PCCB: variants seen among roughly 807,000 people sequenced by gnomAD.
The protein encoded by PCCB is propionyl-CoA carboxylase subunit beta, also known as propionyl-CoA carboxylase beta chain, mitochondrial.
A neutral mutation model predicts 60.7 loss-of-function variants in PCCB; 43 were observed. That is an observed-to-expected ratio of 0.71 (90% CI 0.55 to 0.91). The LOEUF (loss-of-function observed/expected upper bound fraction) is 0.91. PCCB is among the 40% of genes least tolerant of loss of function. The pLI, the probability that PCCB is intolerant of heterozygous loss-of-function variation, is 0.00. For synonymous variants in PCCB, 276 were observed against 255.9 expected (o/e 1.08, Z -0.75); for missense variants, 766 against 702.8 (o/e 1.09, Z -1.02).
chr3:136,296,803 A>T (rs984856192), intron 7 of PCCB, among the ~76,000 whole-genome samples: 2 of 152,264 alleles, frequency 1.3e-5, no homozygotes, highest in African/African-American at 2.4e-5. Context: ...GGAATTAAAA[A>T]TTTAAAATAG....
intron 5 of PCCB, among the ~76,000 whole-genome samples, chr3:136,263,177 A>G (rs1941873424): frequency 6.7e-6 from 1 of 149,306 alleles, no homozygotes; most frequent in Admixed American, 6.7e-5. Flanking sequence ...TTGGTCTCGA[A>G]CTCCTGACCT....
At chr3:136,301,250 C>T in intron 9 of PCCB, 139 bp downstream of exon 9, 1 of 722,322 alleles carries the variant, frequency 1.4e-6, no homozygotes, top group Non-Finnish European at 2.5e-6. Context: ...GGGCACAGGA[C>T]CAGTGGCCAC....
chr3:136,257,451 A>G (rs989150155), intron 3 of PCCB, among the ~76,000 whole-genome samples: 9 of 152,252 alleles, frequency 5.9e-5, no homozygotes, highest in African/African-American at 2.2e-4. Flanking sequence ...TAGCGCTTCT[A>G]AATTATAGAA....
At chr3:136,280,865 G>C (rs578208435) in intron 5 of PCCB, among the ~76,000 whole-genome samples, 8 of 152,228 alleles carry the variant, frequency 5.3e-5, no homozygotes, top group African/African-American at 1.7e-4. Flanking sequence ...TATCGTCCAG[G>C]CTGGTCTCAA....
At chr3:136,293,248 C>A (rs1933780747) in intron 6 of PCCB, among the ~76,000 whole-genome samples, 1 of 152,230 alleles carries the variant, frequency 6.6e-6, no homozygotes, top group South Asian at 2.1e-4. Context: ...AGTGATCCTC[C>A]TGCCTTGGCT....
intron 5 of PCCB, among the ~76,000 whole-genome samples, chr3:136,268,087 GA>G (rs1560002349): frequency 0.25 from 23,063 of 93,760 alleles, 2,798 homozygotes; most frequent in Non-Finnish European, 0.32. Context: ...TGTGTGTGTA[GA>G]TATATATATA....
At chr3:136,273,310 T>C (rs1942246934) in intron 5 of PCCB, among the ~76,000 whole-genome samples, 2 of 152,178 alleles carry the variant, frequency 1.3e-5, no homozygotes, top group African/African-American at 4.8e-5. Context: ...TAGAATGTTC[T>C]GTAAATATCT....
At chr3:136,256,757 C>T (rs1941680939) in intron 3 of PCCB, 134 bp downstream of exon 3, 1 of 724,816 alleles carries the variant, frequency 1.4e-6, no homozygotes. Context: ...CTTTGCTTTT[C>T]AGTGCGTGTT....
chr3:136,290,105 C>T (rs1029854423), intron 6 of PCCB, among the ~76,000 whole-genome samples: 7 of 152,074 alleles, frequency 4.6e-5, no homozygotes, highest in Non-Finnish European at 1.0e-4. Flanking sequence ...TTCATTTATT[C>T]CTTCTTGAAT....
At chr3:136,256,501 CATT>C (rs1941673877) in intron 2 of PCCB, 51 bp from the exon 3 acceptor site, 2 of 1,319,828 alleles carry the variant, frequency 1.5e-6, no homozygotes, top group Non-Finnish European at 2.2e-6. Flanking sequence ...TGGCCAAACT[CATT>C]AGAAGAAGTA....
intron 1 of PCCB, among the ~76,000 whole-genome samples, chr3:136,251,089 C>T (rs980379322): frequency 6.6e-6 from 1 of 152,158 alleles, no homozygotes; most frequent in Admixed American, 6.5e-5. Flanking sequence ...AATGCCTGGT[C>T]GAGCTCTTTA....
chr3:136,251,918 C>T (rs1444595159), intron 1 of PCCB, among the ~76,000 whole-genome samples: 11 of 151,908 alleles, frequency 7.2e-5, no homozygotes, highest in Admixed American at 7.2e-4. Context: ...GCTCTTGTTG[C>T]CCAGGCTGGA....
intron 14 of PCCB, 100 bp from the exon 15 acceptor site, chr3:136,329,804 TA>T: frequency 7.6e-7 from 1 of 1,321,056 alleles, no homozygotes; most frequent in Non-Finnish European, 1.1e-6. Context: ...GCACTGCTTA[TA>T]CTGCTGGCCC....
rs1352308486 is a variant in PCCB at position 136,306,029 on chromosome 3, C to T, written c.966+4918C>T. Reference sequence around the variant, plus strand: ...CATCACCCTCCCTAAAATTAGTCACCCATGAACTAAACTGCACTTTGCTAT... The same window carrying T: ...CATCACCCTCCCTAAAATTAGTCACTCATGAACTAAACTGCACTTTGCTAT... On this transcript the variant is annotated intron_variant, in intron 9 of 14. Transcript: ENST00000251654. Among the ~76,000 whole-genome samples, 3 of 122,502 alleles carry T rather than the reference C, an allele frequency of 2.4e-5. 1 individual carries two copies. Among genetic ancestry groups the T allele is most frequent in the Non-Finnish European group, 5.5e-5 (3 of 54,884 alleles). 80.4% of individuals were successfully genotyped at this position (122,502 alleles called of 152,430 possible).
intron 5 of PCCB, among the ~76,000 whole-genome samples, chr3:136,268,445 G>T (rs1942096824): frequency 6.8e-6 from 1 of 146,026 alleles, no homozygotes; most frequent in African/African-American, 2.5e-5. Context: ...TTTTGAAGTT[G>T]TGTAAAATCC....
At chr3:136,272,522 C>G (rs1409640424) in intron 5 of PCCB, among the ~76,000 whole-genome samples, 1 of 152,040 alleles carries the variant, frequency 6.6e-6, no homozygotes, top group Non-Finnish European at 1.5e-5. Context: ...ATTACTGATT[C>G]AGTCTCACTG....
intron 6 of PCCB, among the ~76,000 whole-genome samples, chr3:136,289,752 A>G (rs1200237340): frequency 7.6e-6 from 1 of 130,732 alleles, no homozygotes; most frequent in Non-Finnish European, 1.7e-5. Flanking sequence ...TGAGCATTCT[A>G]TATGATTCCA....
intron 8 of PCCB, 109 bp downstream of exon 8, chr3:136,298,181 T>A: frequency 7.5e-7 from 1 of 1,328,314 alleles, no homozygotes; most frequent in Non-Finnish European, 1.1e-6. Context: ...CAGCAGAGTG[T>A]GGTAGAGTGG....
intron 9 of PCCB, among the ~76,000 whole-genome samples, chr3:136,307,272 A>G (rs1009587974): frequency 1.4e-5 from 1 of 72,408 alleles, no homozygotes; most frequent in African/African-American, 3.0e-5. Context: ...AGAAATTTCA[A>G]CAAAAGGATT....
Sources: allele counts gnomAD v4.1 joint callset (sites outside exome capture counted in the v4.1 genomes callset), GRCh38; gene constraint gnomAD v4.1.1; transcripts MANE v1.5; gene names NCBI Gene and HGNC (gene_info 2026-07-23, HGNC 2026-07-21).